RPS6KA5: variants seen among roughly 807,000 people sequenced by gnomAD.
RPS6KA5 encodes ribosomal protein S6 kinase alpha-5.
A neutral mutation model predicts 85.5 loss-of-function variants in RPS6KA5; 27 were observed. The observed-to-expected ratio is 0.32, with a 90% CI of 0.23 to 0.44. The LOEUF (loss-of-function observed/expected upper bound fraction) is 0.44, where lower values mean the gene tolerates loss of function less well. RPS6KA5 is among the 20% of genes least tolerant of loss of function. The pLI is 1.00. For missense variants in RPS6KA5, 811 were observed against 980.9 expected (o/e 0.83, Z 2.31); for synonymous variants, 334 against 348.2 (o/e 0.96, Z 0.46).
At chr14:91,023,428 AG>A (rs2041867941) in intron 1 of RPS6KA5, among the ~76,000 whole-genome samples, 1 of 151,996 alleles carries the variant, frequency 6.6e-6, no homozygotes, top group African/African-American at 2.4e-5. Flanking sequence ...CTAGGACTAC[AG>A]GCGTGCACCA....
chr14:91,006,571 G>A (rs1220881743), intron 1 of RPS6KA5, among the ~76,000 whole-genome samples: 1 of 152,054 alleles, frequency 6.6e-6, no homozygotes, highest in East Asian at 1.9e-4. Flanking sequence ...CCAGGAAGTG[G>A]GCCCTCACCA....
chr14:90,977,806 G>C (rs2039630751), intron 3 of RPS6KA5, among the ~76,000 whole-genome samples: 1 of 152,192 alleles, frequency 6.6e-6, no homozygotes, highest in Non-Finnish European at 1.5e-5. Flanking sequence ...TGTAATCCCA[G>C]CACTTTGGGA....
At chr14:91,044,317 GAA>G (rs1281496818) in intron 1 of RPS6KA5, among the ~76,000 whole-genome samples, 15 of 125,392 alleles carry the variant, frequency 1.2e-4, no homozygotes, top group Non-Finnish European at 1.8e-4. Flanking sequence ...GAGAGAGAGA[GAA>G]AGAGAGAGAG....
chr14:91,009,525 C>G (rs1368285875), intron 1 of RPS6KA5, among the ~76,000 whole-genome samples: 2 of 152,198 alleles, frequency 1.3e-5, no homozygotes, highest in East Asian at 1.9e-4. Context: ...GCTGGAATTA[C>G]AGGCATGATG....
At chr14:90,979,931 A>T (rs2039721307) in intron 2 of RPS6KA5, among the ~76,000 whole-genome samples, 1 of 152,230 alleles carries the variant, frequency 6.6e-6, no homozygotes, top group Non-Finnish European at 1.5e-5. Flanking sequence ...TGAACAAAAA[A>T]GTGATTCCTC....
intron 4 of RPS6KA5, among the ~76,000 whole-genome samples, chr14:90,944,850 T>G (rs1049013622): frequency 3.0e-4 from 45 of 151,742 alleles, no homozygotes; most frequent in Admixed American, 7.2e-4. Flanking sequence ...GCTCAGGGTG[T>G]TTGGGGCCAC....
At chr14:90,975,156 T>TGCA (rs2039506173) in intron 3 of RPS6KA5, among the ~76,000 whole-genome samples, 1 of 152,116 alleles carries the variant, frequency 6.6e-6, no homozygotes, top group Non-Finnish European at 1.5e-5. Flanking sequence ...ATACTGCCTT[T>TGCA]GCAGTAATAA....
chr14:90,971,617 CTAACATTGTAATAATCT>C (rs1429424978), intron 3 of RPS6KA5, among the ~76,000 whole-genome samples: 1 of 152,178 alleles, frequency 6.6e-6, no homozygotes, highest in East Asian at 1.9e-4. Flanking sequence ...CAAGATAATA[CTAACATTGTAATAATCT>C]TATCATTTGG....
chr14:90,993,237 C>T (rs550790759), intron 2 of RPS6KA5, among the ~76,000 whole-genome samples: 6 of 152,204 alleles, frequency 3.9e-5, no homozygotes, highest in Admixed American at 3.3e-4. Flanking sequence ...GTCAGGAGTT[C>T]GAGATCGGCC....
chr14:90,891,952 G>A (rs1238824159), intron 13 of RPS6KA5, among the ~76,000 whole-genome samples: 1 of 150,514 alleles, frequency 6.6e-6, no homozygotes, highest in Non-Finnish European at 1.5e-5. Flanking sequence ...AAATGACCAT[G>A]TTTATTCTAT....
chr14:90,929,554 T>C (rs928464160), intron 5 of RPS6KA5, among the ~76,000 whole-genome samples: 6 of 152,120 alleles, frequency 3.9e-5, no homozygotes, highest in African/African-American at 1.4e-4. Context: ...TAATAATATA[T>C]GTATAAAATA....
chr14:91,023,748 T>TAAC (rs1192566519), intron 1 of RPS6KA5, among the ~76,000 whole-genome samples: 1 of 134,528 alleles, frequency 7.4e-6, no homozygotes, highest in Non-Finnish European at 1.6e-5. Flanking sequence ...GATGCCAACC[T>TAAC]AACTATCCTT....
intron 5 of RPS6KA5, among the ~76,000 whole-genome samples, chr14:90,932,657 CAT>C (rs928321339): frequency 1.3e-5 from 2 of 152,214 alleles, no homozygotes; most frequent in African/African-American, 2.4e-5. Flanking sequence ...CCTCCACCCA[CAT>C]GTGTGCCTAG....
At chr14:90,915,278 C>A (rs566447509) in intron 7 of RPS6KA5, among the ~76,000 whole-genome samples, 2 of 152,272 alleles carry the variant, frequency 1.3e-5, no homozygotes, top group South Asian at 2.1e-4. Context: ...GCATTCACAG[C>A]CTCTTACCTG....
Position 90,849,226 on chromosome 14 carries a change from T to A in RPS6KA5, c.*22848A>T, listed in dbSNP as rs1281573401. 6.6e-6 allele frequency: 1 copy of A among 152,146 alleles called. No individual in the cohort carries two copies. Among genetic ancestry groups the A allele is most frequent in the Non-Finnish European group, 1.5e-5 (1 of 68,026 alleles). 9.4% of individuals were successfully genotyped at this position (152,146 alleles called of 1,614,324 possible). A position where few individuals can be genotyped will look rare whatever the true frequency, so the allele number is the denominator to read the frequency against. On this transcript the variant is annotated 3_prime_UTR_variant, in exon 17 of 17. Transcript: ENST00000614987. ...AATTAGCTACTGCTTATCAGGCAAC[T>A]AACAGAGCCGGCAACAGAAAGGTTA...
chr14:91,021,878 C>T (rs1242891395), intron 1 of RPS6KA5, among the ~76,000 whole-genome samples: 1 of 152,068 alleles, frequency 6.6e-6, no homozygotes, highest in East Asian at 1.9e-4. Context: ...AGCCTTGATT[C>T]CTTTTAATGG....
chr14:90,900,157 C>G lies in RPS6KA5; in HGVS notation c.1330G>C (p.Val444Leu). 1 of 1,605,666 alleles carries G rather than the reference C, an allele frequency of 6.2e-7. No individual in the cohort carries two copies. Among genetic ancestry groups the G allele is most frequent in the Non-Finnish European group, 8.5e-7 (1 of 1,175,428 alleles). Residue 444 changes from valine (V) to leucine (L), a missense_variant, in exon 11 of 17, where the codon GTG becomes CTG. Val to Leu is a conservative substitution (Grantham distance 32). Around this residue, in one of 3 missense-constraint regions of RPS6KA5, gnomAD observed 650 missense variants for 793.4 expected, o/e 0.82. Transcript: ENST00000614987. ...AAAGCTTGGTTACTTTTTTTATGCACACACTTTCGACAAATTGAAAAACTA... is the reference window on the plus strand; with the variant it reads ...AAAGCTTGGTTACTTTTTTTATGCAGACACTTTCGACAAATTGAAAAACTA... ...EGSFSICRKC[V>L]HKKSNQAFAV...
chr14:90,853,972 G>A lies in RPS6KA5; in HGVS notation c.*18102C>T, dbSNP rs767261656. 6 of 152,136 alleles carry A rather than the reference G, an allele frequency of 3.9e-5. No individual in the cohort carries two copies. The highest frequency in any genetic ancestry group is 7.3e-5 in the Non-Finnish European group (5 of 68,036). 9.4% of individuals were successfully genotyped at this position (152,136 alleles called of 1,614,324 possible). Reference sequence around the variant, plus strand: ...GGGATTACTGGCAGGGCAGATAGTCGATTTAAGGAGTGAGGGGCAGTCTTA... The same window carrying A: ...GGGATTACTGGCAGGGCAGATAGTCAATTTAAGGAGTGAGGGGCAGTCTTA... On this transcript the variant is annotated 3_prime_UTR_variant, in exon 17 of 17. Coordinates refer to ENST00000614987, the MANE Select transcript of RPS6KA5 (RefSeq NM_004755.4).
chr14:90,907,477 T>C (rs959036504), intron 7 of RPS6KA5, among the ~76,000 whole-genome samples: 1 of 152,216 alleles, frequency 6.6e-6, no homozygotes, highest in Non-Finnish European at 1.5e-5. Flanking sequence ...ACCTAGCGCA[T>C]AGCAAATGCT....
Sources: allele counts gnomAD v4.1 joint callset (sites outside exome capture counted in the v4.1 genomes callset), GRCh38; gene constraint gnomAD v4.1.1; regional missense constraint gnomAD v4.1.1; transcripts MANE v1.5; gene names NCBI Gene and HGNC (gene_info 2026-07-23, HGNC 2026-07-21).